The following DHRS7C variants were observed in gnomAD, a reference collection of about 807,000 sequenced individuals.
The protein encoded by DHRS7C is dehydrogenase/reductase 7C.
A neutral mutation model predicts 29.6 loss-of-function variants in DHRS7C; 28 were observed. The observed-to-expected ratio is 0.95, with a 90% CI of 0.70 to 1.30. The LOEUF is 1.30. DHRS7C is among the 50% of genes most tolerant of loss of function. The pLI is 0.00. For synonymous variants in DHRS7C, 158 were observed against 160.2 expected, an observed-to-expected ratio of 0.99 and a Z score of 0.10; for missense variants, 403 against 393.3, an observed-to-expected ratio of 1.02 and a Z score of -0.21.
At chr17:9,784,156 T>C (rs1318820726) in intron 1 of DHRS7C, among the ~76,000 whole-genome samples, 1 of 151,900 alleles carries the variant, frequency 6.6e-6, no homozygotes, top group Admixed American at 6.6e-5. Flanking sequence ...ATAGAAATGA[T>C]TTATAGATTT....
In DHRS7C at chr17:9,781,489, G is replaced by T; in HGVS notation, c.260C>A (p.Pro87His). 6.2e-7 allele frequency: 1 copy of T among 1,613,844 alleles called. No individual in the cohort carries two copies. The highest frequency in any genetic ancestry group is 8.5e-7 in the Non-Finnish European group (1 of 1,179,774). Residue 87 changes from proline to histidine, a missense_variant, in exon 2 of 6, where the codon CCC (proline) becomes CAC (histidine). Pro to His is a moderately conservative substitution (Grantham distance 77). Transcript: ENST00000571134. ...LYDALISVAD[P>H]SKTFTPKLVL... is the part of the protein sequence containing the mutation. Reference sequence around the variant, plus strand: ...ACTGCTAGAAGACCTTACCTTGCTGGGGTCAGCCACGCTGATCAAGGCATC... The same window carrying T: ...ACTGCTAGAAGACCTTACCTTGCTGTGGTCAGCCACGCTGATCAAGGCATC...
intron 3 of DHRS7C, 111 bp downstream of exon 3, chr17:9,779,714 G>T: frequency 8.9e-7 from 1 of 1,124,008 alleles, no homozygotes; most frequent in Non-Finnish European, 1.2e-6. Flanking sequence ...GGAATTTTCT[G>T]AGGGGACTGG....
At chr17:9,785,695 A>G (rs1006011752) in intron 1 of DHRS7C, among the ~76,000 whole-genome samples, 1 of 152,242 alleles carries the variant, frequency 6.6e-6, no homozygotes, top group Non-Finnish European at 1.5e-5. Context: ...TGAAAGGCAC[A>G]TGAAAGTGCC....
intron 2 of DHRS7C, among the ~76,000 whole-genome samples, chr17:9,781,103 T>G (rs1003038313): frequency 1.3e-5 from 2 of 152,170 alleles, no homozygotes; most frequent in Non-Finnish European, 2.9e-5. Context: ...GGGAGAGTTC[T>G]TGGGAAGGGA....
intron 4 of DHRS7C, among the ~76,000 whole-genome samples, chr17:9,773,319 C>T (rs2066342444): frequency 1.3e-5 from 2 of 151,934 alleles, no homozygotes; most frequent in Non-Finnish European, 2.9e-5. Context: ...GCCTAAGAAA[C>T]TTGTCCAAGG....
chr17:9,779,898 G>A lies in DHRS7C; in HGVS notation c.405C>T (p.Ala135=), dbSNP rs749087859. Residue 135 remains alanine (A), a synonymous_variant, in exon 3 of 6, where the codon GCC becomes GCT. Transcript: ENST00000571134. ...NNASVKVKGP[A]HKISLELDKK... The stretch of plus-strand genomic sequence containing the variant: ...TGTCGAGCTCCAGAGAAATCTTATG[G>A]GCAGGCCCCTTCACCTTCACACTGG... 21 of 1,613,704 alleles carry A rather than the reference G, an allele frequency of 1.3e-5. No homozygotes were observed. The highest frequency in any genetic ancestry group is 1.8e-5 in the Non-Finnish European group (21 of 1,179,862).
chr17:9,779,295 C>T (rs932862918), intron 3 of DHRS7C, among the ~76,000 whole-genome samples: 1 of 152,158 alleles, frequency 6.6e-6, no homozygotes. Flanking sequence ...CCATCTTACT[C>T]ATTAAAGGGA....
In DHRS7C at chr17:9,771,620, C is replaced by G; in HGVS notation, c.804G>C (p.Lys268Asn). The change falls in exon 6 of 6, where the codon AAG (lysine) becomes AAC (asparagine). Residue 268 changes from lysine (K) to asparagine (N), a missense_variant. Coordinates refer to ENST00000571134, the MANE Select transcript of DHRS7C (RefSeq NM_001105571.3). ...AEEVMRTVRR[K>N]KQEVFMANPI... is the part of the protein sequence containing the mutation. ...GGTTGGCCATAAACACCTCTTGCTT[C>G]TTCCTCCGCACGGTGCGCATCACCT... 2 of 1,602,292 alleles carry G rather than the reference C, an allele frequency of 1.2e-6. No individual in the cohort carries two copies. Among genetic ancestry groups the G allele is most frequent in the South Asian group, 1.1e-5 (1 of 89,186 alleles).
At chr17:9,779,212 G>A (rs530501614) in intron 3 of DHRS7C, among the ~76,000 whole-genome samples, 12 of 152,212 alleles carry the variant, frequency 7.9e-5, no homozygotes, top group Admixed American at 1.3e-4. Context: ...TCAGACCTGC[G>A]TTTGAACTTG....
rs1020608515 is a variant in DHRS7C at position 9,791,527 on chromosome 17, A to C, written c.-243T>G. Among the ~76,000 whole-genome samples the C allele has an allele frequency of 1.3e-5, 2 of 152,234 alleles. No homozygotes were observed. Among genetic ancestry groups the C allele is most frequent in the Admixed American group, 6.5e-5 (1 of 15,290 alleles). On this transcript the variant is annotated 5_prime_UTR_variant, in exon 1 of 6. It adds an upstream start codon to the 5' untranslated region. Transcript: ENST00000571134. ...CTCCCCAGTGGTTAATTACAAACTTAATTAAAATGGGTCTGCATTTTTGGA... is the reference window on the plus strand; with the variant it reads ...CTCCCCAGTGGTTAATTACAAACTTCATTAAAATGGGTCTGCATTTTTGGA...
intron 3 of DHRS7C, among the ~76,000 whole-genome samples, chr17:9,778,437 G>A (rs545898727): frequency 3.0e-4 from 45 of 151,974 alleles, no homozygotes; most frequent in African/African-American, 1.1e-3. Context: ...AAACCAAGAT[G>A]GACAAACGGA....
intron 1 of DHRS7C, among the ~76,000 whole-genome samples, chr17:9,783,836 G>T (rs1174172888): frequency 6.6e-6 from 1 of 152,068 alleles, no homozygotes; most frequent in Non-Finnish European, 1.5e-5. Flanking sequence ...AGCTGCTTGG[G>T]TGGCTGAGGA....
intron 4 of DHRS7C, among the ~76,000 whole-genome samples, chr17:9,776,306 C>A (rs1202173068): frequency 2.0e-5 from 3 of 152,174 alleles, no homozygotes; most frequent in African/African-American, 7.2e-5. Context: ...AAGAAGGCAG[C>A]TGTCTGCAAG....
At chr17:9,779,233 AT>A (rs1419963316) in intron 3 of DHRS7C, among the ~76,000 whole-genome samples, 1 of 152,116 alleles carries the variant, frequency 6.6e-6, no homozygotes, top group Non-Finnish European at 1.5e-5. Flanking sequence ...ATGGTGAGAA[AT>A]CTGCACCTGG....
intron 5 of DHRS7C, 27 bp from the exon 6 acceptor site, chr17:9,771,723 G>T: frequency 7.1e-7 from 1 of 1,413,782 alleles, no homozygotes; most frequent in Non-Finnish European, 9.3e-7. Flanking sequence ...GGGGGCGGGG[G>T]TTATGACCTC....
chr17:9,780,107 T>C (rs1164128430), intron 2 of DHRS7C, 72 bp from the exon 3 acceptor site: 2 of 1,317,978 alleles, frequency 1.5e-6, no homozygotes, highest in African/African-American at 3.0e-5. Flanking sequence ...GAGCCCTCGA[T>C]CTAAAAGCCA....
intron 1 of DHRS7C, chr17:9,785,038 T>C (rs2066416035): frequency 2.0e-5 from 3 of 152,234 alleles, no homozygotes; most frequent in Non-Finnish European, 2.9e-5. Context: ...TAGGTTACAT[T>C]AGAAGTTTAA....
chr17:9,782,492 G>A lies in DHRS7C; in HGVS notation c.155-898C>T, dbSNP rs533878883. On this transcript the variant is annotated intron_variant, in intron 1 of 5. Transcript: ENST00000571134. Reference sequence around the variant, plus strand: ...ACTCTGGAGTCTAAACTCCATTGCAGAGCTGGAGGCAAGAGGATCGGCCTT... The same window carrying A: ...ACTCTGGAGTCTAAACTCCATTGCAAAGCTGGAGGCAAGAGGATCGGCCTT... Among the ~76,000 whole-genome samples the A allele has an allele frequency of 4.6e-5, 7 of 152,304 alleles. No homozygotes were observed. In the South Asian group the frequency reaches 8.3e-4, roughly 18 times the overall value.
At chr17:9,778,540 T>C (rs1221664829) in intron 3 of DHRS7C, among the ~76,000 whole-genome samples, 1 of 152,182 alleles carries the variant, frequency 6.6e-6, no homozygotes, top group Non-Finnish European at 1.5e-5. Context: ...CACTCCACTT[T>C]CTTGGTTCGT....
Sources: gnomAD v4.1 joint callset for allele counts (sites outside exome capture counted in the v4.1 genomes callset) on GRCh38, gnomAD v4.1.1 for gene constraint, MANE v1.5 for transcripts, NCBI Gene and HGNC (gene_info 2026-07-23, HGNC 2026-07-21) for gene names.